The following DIAPH2 variants were observed in gnomAD, a reference collection of about 807,000 sequenced individuals.
The protein encoded by DIAPH2 is diaphanous related formin 2, also known as protein diaphanous homolog 2.
DIAPH2 carries 35 observed loss-of-function variants against 92.7 expected under a neutral mutation model. That is an observed-to-expected ratio of 0.38 (90% CI 0.29 to 0.50). The LOEUF is 0.50. Among genes scored for constraint, DIAPH2 ranks in the 20% least tolerant of loss-of-function variants. The pLI is 0.94. For missense variants in DIAPH2, 701 were observed against 819.5 expected (o/e 0.86, Z 1.77); for synonymous variants, 301 against 280.4 (o/e 1.07, Z -0.73).
chrX:96,863,176 C>T (rs2065081804), intron 4 of DIAPH2, among the ~76,000 whole-genome samples: 1 of 108,483 alleles, frequency 9.2e-6, no homozygotes, highest in Non-Finnish European at 1.9e-5. Context: ...CAAATCTTTC[C>T]TAGTTGAAGT....
intron 21 of DIAPH2, among the ~76,000 whole-genome samples, chrX:97,137,911 TTAAATTA>T: frequency 8.9e-6 from 1 of 112,401 alleles, no homozygotes; most frequent in Non-Finnish European, 1.9e-5. Flanking sequence ...TGCGGTTAGG[TTAAATTA>T]ACTGCAGTTG....
At chrX:97,189,444 T>A (rs866907782) in intron 22 of DIAPH2, among the ~76,000 whole-genome samples, 6 of 52,974 alleles carry the variant, frequency 1.1e-4, no homozygotes, top group African/African-American at 4.5e-4. Flanking sequence ...CCCCCCTCCC[T>A]CCCTCCCACC....
At chrX:97,043,507 T>A (rs191227415) in intron 17 of DIAPH2, among the ~76,000 whole-genome samples, 1 of 110,789 alleles carries the variant, frequency 9.0e-6, no homozygotes, top group Non-Finnish European at 1.9e-5. Context: ...AAAATAGCAC[T>A]GTATTTTCTA....
chrX:97,399,377 A>T (rs774701816), intron 25 of DIAPH2, among the ~76,000 whole-genome samples: 1 of 112,042 alleles, frequency 8.9e-6, no homozygotes, highest in South Asian at 3.8e-4. Context: ...TTGGTTCACC[A>T]AATGTAAGTC....
At chrX:96,990,538 C>A (rs2066062457) in intron 17 of DIAPH2, among the ~76,000 whole-genome samples, 1 of 111,599 alleles carries the variant, frequency 9.0e-6, no homozygotes, top group African/African-American at 3.3e-5. Flanking sequence ...CTGCTCTGTG[C>A]TCCTCTACCC....
rs1048941684 is a variant in DIAPH2, at chrX:97,283,408, G to A, written c.2844+35569G>A. On this transcript the variant is annotated intron_variant, in intron 23 of 26. Transcript: ENST00000324765. Reference sequence around the variant, plus strand: ...CCAAGCTCACATAGATAACAAGTTTGCAGGGCTAGAAATCTTACTGAGTTT... The same window carrying A: ...CCAAGCTCACATAGATAACAAGTTTACAGGGCTAGAAATCTTACTGAGTTT... Among the ~76,000 whole-genome samples the A allele has an allele frequency of 3.0e-4, 33 of 111,670 alleles. 1 individual carries two copies. The highest frequency in any genetic ancestry group is 1.0e-3 in the African/African-American group (32 of 30,736).
At chrX:96,958,634 A>G (rs1248207270) in intron 16 of DIAPH2, among the ~76,000 whole-genome samples, 1 of 111,358 alleles carries the variant, frequency 9.0e-6, no homozygotes, top group African/African-American at 3.3e-5. Context: ...ATTGTTAACT[A>G]TGGTCACTTT....
rs758778814 is a variant in DIAPH2, at chrX:97,314,670, T to C, written c.2845-33446T>C. ...CTCTTTGATATATATCTTTCTATAC[T>C]GTAGGGGCTGATTTCTTCTGCGTTT... On this transcript the variant is annotated intron_variant, in intron 23 of 26. Coordinates refer to ENST00000324765, the MANE Select transcript of DIAPH2 (RefSeq NM_006729.5). Among the ~76,000 whole-genome samples the C allele has an allele frequency of 6.1e-4, 68 of 112,087 alleles. 1 individual carries two copies. The highest frequency in any genetic ancestry group is 2.0e-3 in the African/African-American group (61 of 30,960).
rs144914104 is a variant in DIAPH2, at chrX:97,149,869, A to G, written c.2719+8075A>G. Among the ~76,000 whole-genome samples the G allele has an allele frequency of 2.2e-3, 240 of 110,718 alleles. 2 individuals are homozygous for G. The highest frequency in any genetic ancestry group is 7.6e-3 in the African/African-American group (233 of 30,561). On this transcript the variant is annotated intron_variant, in intron 22 of 26. Coordinates refer to ENST00000324765, the MANE Select transcript of DIAPH2 (RefSeq NM_006729.5). ...TTAAATGTTAGGGAATCAAATACAT[A>G]TTTATCTACATAAATTTTCCAGTCT...
At chrX:97,170,536 T>C (rs1027487997) in intron 22 of DIAPH2, among the ~76,000 whole-genome samples, 3 of 111,688 alleles carry the variant, frequency 2.7e-5, no homozygotes, top group Non-Finnish European at 5.6e-5. Flanking sequence ...TGTTTGGATA[T>C]AGTGTTGGGG....
intron 24 of DIAPH2, among the ~76,000 whole-genome samples, chrX:97,373,133 C>A (rs966690313): frequency 1.8e-5 from 2 of 111,959 alleles, no homozygotes; most frequent in Admixed American, 9.5e-5. Flanking sequence ...ATTTCCTCAG[C>A]GGAATATTGA....
At chrX:97,547,723 A>T (rs761591497) in intron 26 of DIAPH2, among the ~76,000 whole-genome samples, 19 of 112,101 alleles carry the variant, frequency 1.7e-4, no homozygotes, top group Admixed American at 8.5e-4. Flanking sequence ...TATCAATGTG[A>T]GGCAAGCTCT....
chrX:97,276,096 G>A (rs1033091043), intron 23 of DIAPH2, among the ~76,000 whole-genome samples: 4 of 112,262 alleles, frequency 3.6e-5, no homozygotes, highest in East Asian at 2.8e-4. Context: ...CCAACACAGC[G>A]AAACCCCGTC....
chrX:96,856,623 A>G (rs1406125493), intron 4 of DIAPH2, among the ~76,000 whole-genome samples: 2 of 110,337 alleles, frequency 1.8e-5, no homozygotes, highest in East Asian at 2.8e-4. Flanking sequence ...GGTAAACACA[A>G]TAAGCTTACT....
At chrX:96,761,174 A>C (rs2064266027) in intron 4 of DIAPH2, among the ~76,000 whole-genome samples, 2 of 111,458 alleles carry the variant, frequency 1.8e-5, no homozygotes, top group Admixed American at 1.9e-4. Flanking sequence ...ATAGACATTT[A>C]TGAGGAAAAG....
At chrX:97,362,101 T>G (rs2069330973) in intron 24 of DIAPH2, among the ~76,000 whole-genome samples, 1 of 109,954 alleles carries the variant, frequency 9.1e-6, no homozygotes, top group Non-Finnish European at 1.9e-5. Context: ...ATTAGCCGGG[T>G]GTGGTGGTGG....
intron 4 of DIAPH2, among the ~76,000 whole-genome samples, chrX:96,810,542 T>G (rs1484323227): frequency 6.3e-5 from 7 of 111,980 alleles, no homozygotes; most frequent in Non-Finnish European, 1.1e-4. Flanking sequence ...ATTTGTCAAT[T>G]TTGGCTTTTG....
intron 22 of DIAPH2, among the ~76,000 whole-genome samples, chrX:97,236,374 A>C (rs2147533185): frequency 8.9e-6 from 1 of 111,748 alleles, no homozygotes; most frequent in African/African-American, 3.2e-5. Context: ...AGCTTTATGG[A>C]AACACTATTT....
intron 24 of DIAPH2, among the ~76,000 whole-genome samples, chrX:97,372,635 T>C (rs1397498836): frequency 1.8e-5 from 2 of 111,716 alleles, no homozygotes; most frequent in African/African-American, 6.5e-5. Context: ...ACCATCCACC[T>C]GAACCTGAGA....
Sources: gnomAD v4.1 joint callset for allele counts (sites outside exome capture counted in the v4.1 genomes callset) on GRCh38, gnomAD v4.1.1 for gene constraint, MANE v1.5 for transcripts, NCBI Gene and HGNC (gene_info 2026-07-23, HGNC 2026-07-21) for gene names.